Variants in TRAPPC12 observed in about 807,000 individuals in gnomAD.
TRAPPC12 encodes trafficking protein particle complex subunit 12, also known as TPR repeat protein 15.
TRAPPC12 carries 61 observed loss-of-function variants against 69.2 expected under a neutral mutation model. The observed-to-expected ratio is 0.88, with a 90% CI of 0.72 to 1.09. The LOEUF (loss-of-function observed/expected upper bound fraction) is 1.09, where lower values mean the gene tolerates loss of function less well. Ranked by LOEUF, TRAPPC12 falls within the 50% of genes least tolerant of loss-of-function variation. The pLI is 0.00. For synonymous variants in TRAPPC12, 469 were observed against 438.9 expected (o/e 1.07, Z -0.86); for missense variants, 1,101 against 1,016.4 (o/e 1.08, Z -1.13).
At chr2:3,398,019 A>G (rs1389163608) in intron 2 of TRAPPC12, among the ~76,000 whole-genome samples, 1 of 152,212 alleles carries the variant, frequency 6.6e-6, no homozygotes, top group Non-Finnish European at 1.5e-5. Context: ...TCTTCTGAGC[A>G]ATGTTGCAGT....
intron 1 of TRAPPC12, among the ~76,000 whole-genome samples, chr2:3,380,259 T>C (rs1158730308): frequency 4.6e-5 from 7 of 151,736 alleles, no homozygotes; most frequent in African/African-American, 1.7e-4. Context: ...GCCCCTTAAC[T>C]TCCCTTAGAC....
intron 3 of TRAPPC12, among the ~76,000 whole-genome samples, chr2:3,403,944 A>G (rs958255384): frequency 6.6e-6 from 1 of 152,254 alleles, no homozygotes; most frequent in African/African-American, 2.4e-5. Context: ...GATCTTTAAC[A>G]GGAGCATTTA....
intron 6 of TRAPPC12, among the ~76,000 whole-genome samples, chr2:3,446,724 G>C (rs1199195070): frequency 1.3e-5 from 2 of 152,240 alleles, no homozygotes; most frequent in African/African-American, 4.8e-5. Flanking sequence ...CTCTATCTGA[G>C]CTTGTTCATT....
intron 2 of TRAPPC12, chr2:3,389,890 C>A: frequency 4.6e-6 from 2 of 434,502 alleles, no homozygotes; most frequent in South Asian, 3.3e-5. Flanking sequence ...GTGTGGCTGG[C>A]TCAGGGGCTT....
At chr2:3,479,065 C>A in intron 11 of TRAPPC12, 132 bp downstream of exon 11, 2 of 1,483,598 alleles carry the variant, frequency 1.3e-6, no homozygotes, top group Admixed American at 2.0e-5. Context: ...GTGGCTGTGG[C>A]CCTTAGGGGA....
intron 9 of TRAPPC12, among the ~76,000 whole-genome samples, chr2:3,475,464 C>T (rs1333570970): frequency 1.4e-5 from 2 of 139,054 alleles, no homozygotes; most frequent in Non-Finnish European, 3.2e-5. Flanking sequence ...TCTACATATT[C>T]TGGAATACTT....
chr2:3,431,031 C>T (rs1250399369), intron 5 of TRAPPC12, among the ~76,000 whole-genome samples: 3 of 152,094 alleles, frequency 2.0e-5, no homozygotes, highest in African/African-American at 7.2e-5. Flanking sequence ...CTGGGAGATG[C>T]GGTGTTGGGA....
chr2:3,442,895 C>G (rs931178637), intron 5 of TRAPPC12, among the ~76,000 whole-genome samples: 1 of 152,230 alleles, frequency 6.6e-6, no homozygotes, highest in South Asian at 2.1e-4. Context: ...TTTTGAAAAG[C>G]ACTTTACTGA....
At chr2:3,410,211 A>G (rs750597236) in intron 3 of TRAPPC12, among the ~76,000 whole-genome samples, 13 of 152,246 alleles carry the variant, frequency 8.5e-5, no homozygotes, top group East Asian at 1.9e-4. Flanking sequence ...CACTTAATCA[A>G]TAGCAGCAAT....
rs767513378 is a variant in TRAPPC12, at chr2:3,387,732, G to A, written c.109G>A (p.Asp37Asn). 2 of 1,607,452 alleles carry A rather than the reference G, an allele frequency of 1.2e-6. No homozygotes were observed. The highest frequency in any genetic ancestry group is 8.5e-7 in the Non-Finnish European group (1 of 1,176,932). ...QGLLFQEETI[D>N]LGGDEFGSEE... is the part of the protein sequence containing the mutation. Reference sequence around the variant, plus strand: ...GTTGCTCTTCCAGGAGGAAACCATCGATCTTGGCGGAGATGAGTTTGGATC... The same window carrying A: ...GTTGCTCTTCCAGGAGGAAACCATCAATCTTGGCGGAGATGAGTTTGGATC... Residue 37 changes from aspartate to asparagine, a missense_variant, in exon 2 of 12, where the codon GAT becomes AAT. Coordinates refer to ENST00000324266, the MANE Select transcript of TRAPPC12 (RefSeq NM_016030.6).
At chr2:3,401,655 C>T (rs535451660) in intron 2 of TRAPPC12, 122 bp from the exon 3 acceptor site, 124 of 534,770 alleles carry the variant, frequency 2.3e-4, no homozygotes, top group East Asian at 2.8e-4. Context: ...ATACTATAAC[C>T]GTTACTTTTA....
chr2:3,462,854 A>G (rs1376800393), intron 8 of TRAPPC12: 1 of 463,914 alleles, frequency 2.2e-6, no homozygotes, highest in African/African-American at 2.0e-5. Context: ...TGGTGTCCCC[A>G]CAGCTCGCCA....
intron 2 of TRAPPC12, among the ~76,000 whole-genome samples, chr2:3,396,999 GAAAGA>G (rs1014161603): frequency 7.9e-5 from 12 of 152,186 alleles, no homozygotes; most frequent in East Asian, 3.9e-4. Context: ...AAAAAGGAAA[GAAAGA>G]AAAGAAAAGA....
intron 1 of TRAPPC12, among the ~76,000 whole-genome samples, chr2:3,382,717 A>G (rs1245854545): frequency 2.6e-5 from 4 of 152,122 alleles, no homozygotes; most frequent in Admixed American, 6.5e-5. Context: ...TTGAGCTCAG[A>G]AGTTTGAGAC....
At chr2:3,457,924 C>T in intron 7 of TRAPPC12, 1 of 1,405,090 alleles carries the variant, frequency 7.1e-7, no homozygotes, top group Non-Finnish European at 9.2e-7. Flanking sequence ...GGGGAGAAGA[C>T]ACGCCTTCAC....
chr2:3,453,796 A>G (rs1161723370), intron 6 of TRAPPC12, among the ~76,000 whole-genome samples: 2 of 152,202 alleles, frequency 1.3e-5, no homozygotes, highest in African/African-American at 4.8e-5. Context: ...GCATTTCCTA[A>G]ATAATTCAGT....
chr2:3,462,232 A>G (rs1438730673), intron 8 of TRAPPC12, among the ~76,000 whole-genome samples: 1 of 152,226 alleles, frequency 6.6e-6, no homozygotes, highest in Non-Finnish European at 1.5e-5. Flanking sequence ...TAACACCACC[A>G]CCAGGCTCCG....
intron 4 of TRAPPC12, among the ~76,000 whole-genome samples, chr2:3,423,483 C>G (rs1662934248): frequency 6.6e-6 from 1 of 152,106 alleles, no homozygotes; most frequent in Middle Eastern, 3.2e-3. Context: ...TAACATCTCT[C>G]AAACCTCCCC....
rs371875382 is a variant in TRAPPC12 at position 3,465,731 on chromosome 2, C to T, written c.1776+36C>T. On this transcript the variant is annotated intron_variant, in intron 9 of 11. Coordinates refer to ENST00000324266, the MANE Select transcript of TRAPPC12 (RefSeq NM_016030.6). Reference sequence around the variant, plus strand: ...ACGGTCAGACATGAGCCAGAAAGGCCTTATGATAGTTCTTTGCTCAGATGG... The same window carrying T: ...ACGGTCAGACATGAGCCAGAAAGGCTTTATGATAGTTCTTTGCTCAGATGG... The T allele has an allele frequency of 1.7e-5, 24 of 1,437,216 alleles. No individual in the cohort carries two copies. The African/African-American group carries it at 3.2e-4, about 19-fold the overall frequency. 89.0% of individuals were successfully genotyped at this position (1,437,216 alleles called of 1,614,324 possible). A position where few individuals can be genotyped will look rare whatever the true frequency, so the allele number is the denominator to read the frequency against.
Sources: allele counts gnomAD v4.1 joint callset (sites outside exome capture counted in the v4.1 genomes callset), GRCh38; gene constraint gnomAD v4.1.1; transcripts MANE v1.5; gene names NCBI Gene and HGNC (gene_info 2026-07-23, HGNC 2026-07-21).